CNTN4: variants seen among roughly 807,000 people sequenced by gnomAD.
The protein encoded by CNTN4 is contactin 4, also known as contactin-4.
A neutral mutation model predicts 122.5 loss-of-function variants in CNTN4; 77 were observed. That is an observed-to-expected ratio of 0.63 (90% CI 0.52 to 0.76). The LOEUF (loss-of-function observed/expected upper bound fraction) is 0.76. Ranked by LOEUF, CNTN4 falls within the 30% of genes least tolerant of loss-of-function variation. The pLI is 0.00. For missense variants in CNTN4, 1,256 were observed against 1,259.1 expected (o/e 1.00, Z 0.04); for synonymous variants, 512 against 447.0 (o/e 1.15, Z -1.83).
chr3:2,363,154 C>G (rs893110506), intron 3 of CNTN4, among the ~76,000 whole-genome samples: 1 of 152,108 alleles, frequency 6.6e-6, no homozygotes, highest in African/African-American at 2.4e-5. Context: ...CTGCACCTCT[C>G]CATTAGTAAG....
intron 2 of CNTN4, among the ~76,000 whole-genome samples, chr3:2,302,161 T>C (rs2042549519): frequency 6.6e-6 from 1 of 152,210 alleles, no homozygotes; most frequent in Non-Finnish European, 1.5e-5. Context: ...CTGGGCACAG[T>C]GGCTCATGCC....
At chr3:2,811,141 G>A (rs545396118) in intron 6 of CNTN4, among the ~76,000 whole-genome samples, 1 of 152,184 alleles carries the variant, frequency 6.6e-6, no homozygotes, top group East Asian at 1.9e-4. Context: ...CAGGTGCGGT[G>A]GCTCACACCT....
chr3:2,395,512 A>T (rs140339016), intron 3 of CNTN4, among the ~76,000 whole-genome samples: 35 of 152,270 alleles, frequency 2.3e-4, no homozygotes, highest in Non-Finnish European at 1.9e-4. Flanking sequence ...ATATTTCGTG[A>T]TGCTGAGGTT....
At chr3:2,157,516 A>G (rs2035772378) in intron 2 of CNTN4, among the ~76,000 whole-genome samples, 1 of 152,174 alleles carries the variant, frequency 6.6e-6, no homozygotes, top group Admixed American at 6.5e-5. Flanking sequence ...AGTGAAAAAA[A>G]TGAAAAAAAC....
intron 7 of CNTN4, among the ~76,000 whole-genome samples, chr3:2,825,325 A>G (rs183446956): frequency 2.0e-4 from 31 of 152,028 alleles, no homozygotes; most frequent in Admixed American, 1.9e-3. Context: ...TCCCAGTTCA[A>G]ACATTCTCCC....
intron 4 of CNTN4, among the ~76,000 whole-genome samples, chr3:2,604,338 A>G (rs966453509): frequency 1.3e-5 from 2 of 152,132 alleles, no homozygotes; most frequent in African/African-American, 4.8e-5. Context: ...CAGAGGAAAG[A>G]TGTTTTTTCA....
At position 2,138,089 on chromosome 3, in the gene CNTN4, CGGAGTCTCGCTCTGTTGCTCAGGCTGAA is replaced by C. The variant is rs2034798287; in HGVS notation, c.-145+37452_-145+37479del. ...TTCTTTTTTTTTTTTTTTTTCGAGA[CGGAGTCTCGCTCTGTTGCTCAGGCTGAA>C]GTGCAGTGGCACGATCTCAGCTCAC... On this transcript the variant is annotated intron_variant, in intron 2 of 24. Coordinates refer to ENST00000418658, the MANE Select transcript of CNTN4 (RefSeq NM_175607.3). Among the ~76,000 whole-genome samples, 4 of 145,208 alleles carry C rather than the reference CGGAGTCTCGCTCTGTTGCTCAGGCTGAA, an allele frequency of 2.8e-5. No homozygotes were observed. The South Asian group carries it at 8.7e-4, about 32-fold the overall frequency.
chr3:2,624,751 C>T (rs1188707678), intron 4 of CNTN4, among the ~76,000 whole-genome samples: 4 of 151,092 alleles, frequency 2.6e-5, no homozygotes, highest in Non-Finnish European at 5.9e-5. Flanking sequence ...CTTGCCTCAG[C>T]TTCCCCAATA....
intron 2 of CNTN4, among the ~76,000 whole-genome samples, chr3:2,269,692 C>T (rs1055098303): frequency 2.6e-5 from 4 of 151,950 alleles, no homozygotes; most frequent in African/African-American, 7.3e-5. Context: ...TAACTATGTC[C>T]GTGATGTAAT....
intron 6 of CNTN4, among the ~76,000 whole-genome samples, chr3:2,810,309 T>G (rs946926820): frequency 6.6e-6 from 1 of 152,226 alleles, no homozygotes; most frequent in Non-Finnish European, 1.5e-5. Context: ...GGCCTTAGCA[T>G]TCTTCCAAAT....
intron 9 of CNTN4, among the ~76,000 whole-genome samples, chr3:2,885,633 A>G (rs1216884989): frequency 1.3e-5 from 2 of 152,224 alleles, no homozygotes; most frequent in Non-Finnish European, 2.9e-5. Flanking sequence ...ACATAGATTT[A>G]TGGAAATATA....
chr3:2,136,278 G>T (rs1258888298), intron 2 of CNTN4, among the ~76,000 whole-genome samples: 2 of 152,206 alleles, frequency 1.3e-5, no homozygotes, highest in East Asian at 3.8e-4. Flanking sequence ...GGATGAAGCT[G>T]TACCTGAAGC....
chr3:2,136,506 T>A (rs568924517), intron 2 of CNTN4, among the ~76,000 whole-genome samples: 6 of 152,214 alleles, frequency 3.9e-5, no homozygotes, highest in Non-Finnish European at 8.8e-5. Context: ...TTGGTGATAT[T>A]CTTCCATTCT....
intron 3 of CNTN4, among the ~76,000 whole-genome samples, chr3:2,543,074 A>G (rs901839856): frequency 1.3e-5 from 2 of 152,134 alleles, no homozygotes; most frequent in African/African-American, 4.8e-5. Context: ...ACCAAGATAA[A>G]TCTTTACCAT....
intron 3 of CNTN4, among the ~76,000 whole-genome samples, chr3:2,398,253 T>C (rs951818779): frequency 2.0e-5 from 3 of 152,090 alleles, no homozygotes; most frequent in African/African-American, 7.2e-5. Flanking sequence ...AATAAATAGA[T>C]TGTGCCACAT....
At chr3:2,711,150 C>T (rs1319973794) in intron 4 of CNTN4, among the ~76,000 whole-genome samples, 4 of 152,160 alleles carry the variant, frequency 2.6e-5, no homozygotes, top group Non-Finnish European at 4.4e-5. Flanking sequence ...TAGTGTCACA[C>T]ACAGCAAGAG....
intron 3 of CNTN4, among the ~76,000 whole-genome samples, chr3:2,398,446 A>G (rs561129429): frequency 5.3e-5 from 8 of 152,240 alleles, no homozygotes; most frequent in East Asian, 1.9e-4. Flanking sequence ...CATTAATACT[A>G]TTGACCAACA....
chr3:2,139,311 A>G (rs528616125), intron 2 of CNTN4, among the ~76,000 whole-genome samples: 1 of 152,324 alleles, frequency 6.6e-6, no homozygotes, highest in South Asian at 2.1e-4. Flanking sequence ...AAACATATAT[A>G]TCATTTGAAA....
At chr3:2,588,021 C>G (rs1200643025) in intron 4 of CNTN4, among the ~76,000 whole-genome samples, 1 of 151,694 alleles carries the variant, frequency 6.6e-6, no homozygotes, top group Non-Finnish European at 1.5e-5. Context: ...CTATTTTTGT[C>G]CAATCTCTAC....
Sources: gnomAD v4.1 joint callset for allele counts (sites outside exome capture counted in the v4.1 genomes callset) on GRCh38, gnomAD v4.1.1 for gene constraint, MANE v1.5 for transcripts, NCBI Gene and HGNC (gene_info 2026-07-23, HGNC 2026-07-21) for gene names.